The following PIEZO2 variants were observed in gnomAD, a reference collection of about 807,000 sequenced individuals.
PIEZO2 encodes piezo type mechanosensitive ion channel component 2.
A neutral mutation model predicts 337.3 loss-of-function variants in PIEZO2; 172 were observed. That is an observed-to-expected ratio of 0.51 (90% CI 0.45 to 0.58). The LOEUF (loss-of-function observed/expected upper bound fraction) is 0.58, where lower values mean the gene tolerates loss of function less well. Among genes scored for constraint, PIEZO2 ranks in the 20% least tolerant of loss-of-function variants. The pLI, the probability that PIEZO2 is intolerant of heterozygous loss-of-function variation, is 0.00. For missense variants in PIEZO2, 3,028 were observed against 3,391.3 expected (o/e 0.89, Z 2.66); for synonymous variants, 1,251 against 1,228.5 (o/e 1.02, Z -0.38).
intron 43 of PIEZO2, among the ~76,000 whole-genome samples, chr18:10,700,682 A>G (rs762623192): frequency 1.3e-5 from 2 of 152,246 alleles, no homozygotes; most frequent in Non-Finnish European, 2.9e-5. Context: ...ACCATCAAGT[A>G]TTAAATACTG....
intron 7 of PIEZO2, among the ~76,000 whole-genome samples, chr18:10,825,923 G>T (rs752875290): frequency 1.3e-5 from 2 of 152,104 alleles, no homozygotes; most frequent in Non-Finnish European, 2.9e-5. Flanking sequence ...TGGAAAGTTA[G>T]GAATTATTCT....
intron 1 of PIEZO2, among the ~76,000 whole-genome samples, chr18:11,106,500 T>C (rs923421482): frequency 1.6e-4 from 23 of 148,296 alleles, no homozygotes; most frequent in Non-Finnish European, 3.1e-4. Context: ...CGTGAACTCC[T>C]GGGCTCGGGT....
Position 10,759,110 on chromosome 18 carries a change from G to A in PIEZO2, c.3757+372C>T, listed in dbSNP as rs1752618806. Among the ~76,000 whole-genome samples the A allele has an allele frequency of 6.6e-6, 1 of 152,022 alleles. No homozygotes were observed. Among genetic ancestry groups the A allele is most frequent in the Admixed American group, 6.5e-5 (1 of 15,270 alleles). ...CAGCATCCACTGTCCCATGTTCAGGGTTTATTTATCTGCACTGGGAGCCAG... is the reference window on the plus strand; with the variant it reads ...CAGCATCCACTGTCCCATGTTCAGGATTTATTTATCTGCACTGGGAGCCAG... On this transcript the variant is annotated intron_variant, in intron 26 of 55. Coordinates refer to ENST00000674853, the MANE Select transcript of PIEZO2 (RefSeq NM_001378183.1). This position sits in a 1 kb window ranked among gnomAD's most constrained non-coding sequence, Gnocchi z 5.5.
Position 10,748,630 on chromosome 18 carries a change from G to A in PIEZO2, c.4265C>T (p.Pro1422Leu), listed in dbSNP as rs1335943478. The A allele has an allele frequency of 6.9e-7, 1 of 1,446,960 alleles. No individual in the cohort carries two copies. Among genetic ancestry groups the A allele is most frequent in the East Asian group, 2.7e-5 (1 of 37,340 alleles). 89.6% of individuals were successfully genotyped at this position (1,446,960 alleles called of 1,614,324 possible). A position where few individuals can be genotyped will look rare whatever the true frequency, so the allele number is the denominator to read the frequency against. ...AAGTGTACAGGGTGAATTAGCAGCA[G>A]CTATAGTAACAGTAGAAAAACACAC... ...LACTVKGYQM[P>L]AANSPCTLPS... is the part of the protein sequence containing the mutation. Residue 1422 changes from proline to leucine, a missense_variant and splice_region_variant, in exon 30 of 56, where the codon CCT (proline) becomes CTT (leucine). Transcript: ENST00000674853. This position sits in a 1 kb window ranked among gnomAD's most constrained non-coding sequence, Gnocchi z 5.1.
chr18:10,919,861 A>G (rs2031271798), intron 3 of PIEZO2, among the ~76,000 whole-genome samples: 1 of 151,946 alleles, frequency 6.6e-6, no homozygotes, highest in Non-Finnish European at 1.5e-5. Context: ...AGAGACACAC[A>G]CACACACACA....
chr18:10,969,920 C>G lies in PIEZO2; in HGVS notation c.286+9615G>C, dbSNP rs191811269. On this transcript the variant is annotated intron_variant, in intron 3 of 55. Transcript: ENST00000674853. The surrounding 1 kb of genome is among the most constrained non-coding windows in gnomAD (Gnocchi z 4.5). The stretch of plus-strand genomic sequence containing the variant: ...ATACCTTTATTTCTCCTTTTTTTGG[C>G]TGCTATTAATTCATTTATTCATTCT... Among the ~76,000 whole-genome samples the G allele has an allele frequency of 1.3e-5, 2 of 151,674 alleles. No homozygotes were observed. The highest frequency in any genetic ancestry group is 2.4e-5 in the African/African-American group (1 of 41,294).
At chr18:11,089,738 G>C (rs901412593) in intron 1 of PIEZO2, among the ~76,000 whole-genome samples, 2 of 152,212 alleles carry the variant, frequency 1.3e-5, no homozygotes, top group African/African-American at 4.8e-5. Flanking sequence ...CAAATGCTTT[G>C]CAGGGGTCCT....
At position 11,003,805 on chromosome 18, in the gene PIEZO2, C is replaced by T. The variant is rs951028066; in HGVS notation, c.161-24145G>A. 1.8e-4 allele frequency among the ~76,000 whole-genome samples: 27 copies of T among 152,216 alleles called. No individual in the cohort carries two copies. Among genetic ancestry groups the T allele is most frequent in the Non-Finnish European group, 3.4e-4 (23 of 68,040 alleles). On this transcript the variant is annotated intron_variant, in intron 2 of 55. Transcript: ENST00000674853. This position sits in a 1 kb window ranked among gnomAD's most constrained non-coding sequence, Gnocchi z 4.6. ...CACAGACCTGGGGAGAACAAGCAAA[C>T]TCCACATGGGGGTGGACCTGGAAAC...
intron 49 of PIEZO2, among the ~76,000 whole-genome samples, chr18:10,685,543 C>T (rs561719705): frequency 8.5e-5 from 13 of 152,252 alleles, no homozygotes; most frequent in East Asian, 3.9e-4. Context: ...CATTGGGAGG[C>T]GGGGTGGTGG....
Position 11,002,781 on chromosome 18 carries a change from A to G in PIEZO2, c.161-23121T>C, listed in dbSNP as rs2035587925. Reference sequence around the variant, plus strand: ...CTGCTAAAGTCTGAAAAGCTGAACTATGGAAAGCAGGCCACATTGGATAAT... The same window carrying G: ...CTGCTAAAGTCTGAAAAGCTGAACTGTGGAAAGCAGGCCACATTGGATAAT... On this transcript the variant is annotated intron_variant, in intron 2 of 55. Transcript: ENST00000674853. The surrounding 1 kb of genome is among the most constrained non-coding windows in gnomAD (Gnocchi z 4.3). Among the ~76,000 whole-genome samples the G allele has an allele frequency of 6.6e-6, 1 of 152,220 alleles. No homozygotes were observed. Among genetic ancestry groups the G allele is most frequent in the Admixed American group, 6.5e-5 (1 of 15,292 alleles).
chr18:10,914,727 G>T (rs1159777153), intron 3 of PIEZO2, among the ~76,000 whole-genome samples: 1 of 152,104 alleles, frequency 6.6e-6, no homozygotes, highest in Non-Finnish European at 1.5e-5. Flanking sequence ...TAGAAATAAT[G>T]AACTGTGATT....
At position 10,954,174 on chromosome 18, in the gene PIEZO2, C is replaced by G. The variant is rs1335763626; in HGVS notation, c.286+25361G>C. 6.6e-6 allele frequency among the ~76,000 whole-genome samples: 1 copy of G among 151,600 alleles called. No homozygotes were observed. Among genetic ancestry groups the G allele is most frequent in the African/African-American group, 2.4e-5 (1 of 41,262 alleles). ...TACTTTGGCTATTGTAGTTTTTTTT[C>G]CATATATATTTTAGAGTCAGCTTGT... is the stretch of plus-strand genomic sequence containing the variant. On this transcript the variant is annotated intron_variant, in intron 3 of 55. Transcript: ENST00000674853. This position sits in a 1 kb window ranked among gnomAD's most constrained non-coding sequence, Gnocchi z 4.2.
At position 10,726,264 on chromosome 18, in the gene PIEZO2, G is replaced by A. The variant is rs527558908; in HGVS notation, c.5029+5143C>T. The A allele has an allele frequency of 1.2e-6, 1 of 809,534 alleles. No individual in the cohort carries two copies. Among genetic ancestry groups the A allele is most frequent in the South Asian group, 1.5e-5 (1 of 66,862 alleles). The allele number at this position is 809,534 out of a possible 1,614,324, so 50.1% of individuals were successfully genotyped here. ...GAGCTTGTGTGCGAGCCTGTGTTCG[G>A]GAGCATGAGAATGGAAGCGTCGCGG... is the stretch of plus-strand genomic sequence containing the variant. On this transcript the variant is annotated intron_variant, in intron 36 of 55. Coordinates refer to ENST00000674853, the MANE Select transcript of PIEZO2 (RefSeq NM_001378183.1). The surrounding 1 kb of genome is among the most constrained non-coding windows in gnomAD (Gnocchi z 5.9).
intron 2 of PIEZO2, among the ~76,000 whole-genome samples, chr18:11,005,666 T>A (rs898405159): frequency 2.0e-5 from 3 of 152,254 alleles, no homozygotes; most frequent in Non-Finnish European, 4.4e-5. Flanking sequence ...CCAGCTTAGC[T>A]GGCCGGGAGG....
Position 11,001,801 on chromosome 18 carries a change from C to T in PIEZO2, c.161-22141G>A, listed in dbSNP as rs1487801746. On this transcript the variant is annotated intron_variant, in intron 2 of 55. Transcript: ENST00000674853. This position sits in a 1 kb window ranked among gnomAD's most constrained non-coding sequence, Gnocchi z 5.3. ...GCTGAGGCATGAGAATAGCTTGAAC[C>T]CAGGAGGCAGAGGTTGCAGTGAGCT... Among the ~76,000 whole-genome samples the T allele has an allele frequency of 1.3e-5, 2 of 151,924 alleles. No individual in the cohort carries two copies. The highest frequency in any genetic ancestry group is 2.4e-5 in the African/African-American group (1 of 41,344).
chr18:10,747,553 G>A (rs752056842), intron 30 of PIEZO2, among the ~76,000 whole-genome samples: 7 of 152,210 alleles, frequency 4.6e-5, no homozygotes, highest in Non-Finnish European at 8.8e-5. Context: ...GAGCAGTGCG[G>A]TACATAAAGT....
rs1568370537 is a variant in PIEZO2, at chr18:11,097,077, T to C, written c.65-30855A>G. ...CTCCAGTGTAGGACGATCTTTTGTA[T>C]ACAAGGCAATTTCATCCTCTCCTTG... On this transcript the variant is annotated intron_variant, in intron 1 of 55. Coordinates refer to ENST00000674853, the MANE Select transcript of PIEZO2 (RefSeq NM_001378183.1). The surrounding 1 kb of genome is among the most constrained non-coding windows in gnomAD (Gnocchi z 5.0). Among the ~76,000 whole-genome samples the C allele has an allele frequency of 6.6e-6, 1 of 152,338 alleles. No homozygotes were observed. Among genetic ancestry groups the C allele is most frequent in the East Asian group, 1.9e-4 (1 of 5,184 alleles).
chr18:10,829,527 T>C (rs1337871576), intron 7 of PIEZO2, among the ~76,000 whole-genome samples: 1 of 152,212 alleles, frequency 6.6e-6, no homozygotes, highest in Non-Finnish European at 1.5e-5. Context: ...TATTTGCAGA[T>C]GATATGATCT....
chr18:10,699,312 C>T lies in PIEZO2; in HGVS notation c.6442-135G>A, dbSNP rs1214658419. 6 of 1,213,786 alleles carry T rather than the reference C, an allele frequency of 4.9e-6. No individual in the cohort carries two copies. The African/African-American group carries it at 9.2e-5, about 19-fold the overall frequency. The allele number at this position is 1,213,786 out of a possible 1,614,324, so 75.2% of individuals were successfully genotyped here. On this transcript the variant is annotated intron_variant, in intron 43 of 55. Coordinates refer to ENST00000674853, the MANE Select transcript of PIEZO2 (RefSeq NM_001378183.1). The stretch of plus-strand genomic sequence containing the variant: ...AAGATGATATGGTTTGGCTGTGTCC[C>T]CATATCTCATCTTGAATTCCCACAT...
Sources: allele counts gnomAD v4.1 joint callset (sites outside exome capture counted in the v4.1 genomes callset), GRCh38; gene constraint gnomAD v4.1.1; non-coding constraint Gnocchi (gnomAD v3.1); transcripts MANE v1.5; gene names NCBI Gene and HGNC (gene_info 2026-07-23, HGNC 2026-07-21).